LRRTM4: variants seen among roughly 807,000 people sequenced by gnomAD.
LRRTM4 encodes leucine-rich repeat transmembrane neuronal protein 4.
LRRTM4 carries 25 observed loss-of-function variants against 47.6 expected under a neutral mutation model. The ratio of observed to expected loss-of-function variants is 0.53; its 90% confidence interval spans 0.38 to 0.73. LRRTM4 has a LOEUF of 0.73. Ranked by LOEUF, LRRTM4 falls within the 30% of genes least tolerant of loss-of-function variation. The probability of loss-of-function intolerance (pLI) is 0.00; values close to 1 mark genes in which losing one functional copy is unlikely to be tolerated. For missense variants in LRRTM4, 638 were observed against 713.4 expected (o/e 0.89, Z 1.20); for synonymous variants, 311 against 269.5 (o/e 1.15, Z -1.51).
intron 3 of LRRTM4, among the ~76,000 whole-genome samples, chr2:77,142,481 A>T (rs1227523044): frequency 1.3e-5 from 2 of 151,904 alleles, no homozygotes; most frequent in Non-Finnish European, 2.9e-5. Context: ...GTCACTAAAG[A>T]AAAACTTGAT....
intron 3 of LRRTM4, among the ~76,000 whole-genome samples, chr2:76,795,556 CAT>C (rs1170367771): frequency 4.0e-5 from 6 of 150,546 alleles, no homozygotes; most frequent in Non-Finnish European, 8.9e-5. Flanking sequence ...CATGTATATG[CAT>C]ATATACATGT....
chr2:77,104,023 A>G (rs2103917595), intron 3 of LRRTM4, among the ~76,000 whole-genome samples: 1 of 152,292 alleles, frequency 6.6e-6, no homozygotes, highest in East Asian at 1.9e-4. Context: ...TCTAATAGAC[A>G]TTACTAACAA....
chr2:76,812,364 C>G (rs1042474738), intron 3 of LRRTM4, among the ~76,000 whole-genome samples: 2 of 152,128 alleles, frequency 1.3e-5, no homozygotes, highest in Non-Finnish European at 2.9e-5. Context: ...TGGCCACTAA[C>G]CAATGAAATG....
At chr2:76,931,237 T>A (rs1674759809) in intron 3 of LRRTM4, among the ~76,000 whole-genome samples, 2 of 152,150 alleles carry the variant, frequency 1.3e-5, no homozygotes, top group Admixed American at 1.3e-4. Flanking sequence ...AACAAGAAAG[T>A]CATTAAACAG....
At chr2:77,256,403 C>T (rs1558656297) in intron 3 of LRRTM4, among the ~76,000 whole-genome samples, 1 of 152,062 alleles carries the variant, frequency 6.6e-6, no homozygotes, top group Non-Finnish European at 1.5e-5. Context: ...GAAGACTTCT[C>T]ATATTGTTTT....
intron 3 of LRRTM4, among the ~76,000 whole-genome samples, chr2:77,089,226 G>A (rs7607612): frequency 8.1e-5 from 5 of 61,614 alleles, no homozygotes; most frequent in African/African-American, 3.9e-4. Flanking sequence ...GCAAGTAACC[G>A]AACCCCTTGT....
chr2:77,470,492 T>G (rs575678438), intron 3 of LRRTM4, among the ~76,000 whole-genome samples: 70 of 152,244 alleles, frequency 4.6e-4, no homozygotes, highest in African/African-American at 1.6e-3. Context: ...AGGCATTCAT[T>G]TGGTACAATG....
intron 3 of LRRTM4, among the ~76,000 whole-genome samples, chr2:76,911,779 C>T (rs1674065256): frequency 6.6e-6 from 1 of 151,942 alleles, no homozygotes; most frequent in Admixed American, 6.6e-5. Context: ...AATATACACA[C>T]TGAAGGAAGA....
intron 3 of LRRTM4, among the ~76,000 whole-genome samples, chr2:77,163,780 G>C (rs1167323707): frequency 2.0e-5 from 3 of 152,116 alleles, no homozygotes; most frequent in African/African-American, 7.2e-5. Context: ...GTCACCACCA[G>C]GCTTGCCTTA....
Position 77,521,675 on chromosome 2 carries a change from T to C in LRRTM4, c.-4A>G. ...CAACAAAAGTTCACTTACCCATCCT[T>C]TGTCATCCAAAAACGTTTCCCCCCT... On this transcript the variant is annotated 5_prime_UTR_variant, in exon 2 of 4. Transcript: ENST00000409884. 1 of 1,612,032 alleles carries C rather than the reference T, an allele frequency of 6.2e-7. No individual in the cohort carries two copies. The highest frequency in any genetic ancestry group is 1.1e-5 in the South Asian group (1 of 90,984).
intron 3 of LRRTM4, among the ~76,000 whole-genome samples, chr2:76,974,523 C>T (rs1327718784): frequency 7.3e-6 from 1 of 136,686 alleles, no homozygotes; most frequent in East Asian, 2.0e-4. Context: ...CATTGTGATA[C>T]ACACATATAG....
Position 77,108,740 on chromosome 2 carries a change from C to T in LRRTM4, c.1552-359824G>A, listed in dbSNP as rs984858368. Among the ~76,000 whole-genome samples, 25 of 151,804 alleles carry T rather than the reference C, an allele frequency of 1.6e-4. No individual in the cohort carries two copies. The East Asian group carries it at 4.7e-3, about 28-fold the overall frequency. On this transcript the variant is annotated intron_variant, in intron 3 of 3. Coordinates refer to ENST00000409884, the MANE Select transcript of LRRTM4 (RefSeq NM_001134745.3). The stretch of plus-strand genomic sequence containing the variant: ...CTGGGACTACAGGCGCCCGCCACCA[C>T]GCCCGGCTAATTTTTTGTATTTTTA...
At chr2:77,038,918 CTCT>C (rs1337853781) in intron 3 of LRRTM4, among the ~76,000 whole-genome samples, 1 of 151,284 alleles carries the variant, frequency 6.6e-6, no homozygotes, top group African/African-American at 2.4e-5. Flanking sequence ...TGTGGCATTG[CTCT>C]TATTATATAG....
At chr2:77,106,426 C>G (rs943593920) in intron 3 of LRRTM4, among the ~76,000 whole-genome samples, 2 of 152,054 alleles carry the variant, frequency 1.3e-5, no homozygotes, top group Non-Finnish European at 2.9e-5. Flanking sequence ...CACATGTTGT[C>G]ATAAATTTTA....
At chr2:77,476,166 A>T (rs1677379849) in intron 3 of LRRTM4, among the ~76,000 whole-genome samples, 1 of 152,056 alleles carries the variant, frequency 6.6e-6, no homozygotes, top group Admixed American at 6.6e-5. Context: ...CAGATGTGAA[A>T]GATTCATAAA....
intron 3 of LRRTM4, among the ~76,000 whole-genome samples, chr2:76,830,657 T>G (rs1453301042): frequency 1.3e-5 from 2 of 151,942 alleles, no homozygotes; most frequent in African/African-American, 4.8e-5. Flanking sequence ...TTAAAGTCTT[T>G]GTCTCAAAAT....
In LRRTM4 at chr2:77,098,479, C is replaced by A. The variant is rs116196136; in HGVS notation, c.1552-349563G>T. On this transcript the variant is annotated intron_variant, in intron 3 of 3. Transcript: ENST00000409884. ...GAAAAAATAAATTAGATATCTACCT[C>A]CTACTAGAGACAAAATTTATAGTTG... Among the ~76,000 whole-genome samples the A allele has an allele frequency of 5.2e-3, 789 of 152,020 alleles. 8 individuals are homozygous for A. Among genetic ancestry groups the A allele is most frequent in the African/African-American group, 0.017 (715 of 41,514 alleles).
intron 3 of LRRTM4, among the ~76,000 whole-genome samples, chr2:77,312,276 T>TTTCACAA (rs1276545439): frequency 1.0e-5 from 1 of 96,198 alleles, no homozygotes; most frequent in African/African-American, 4.3e-5. Flanking sequence ...CAACTGACTC[T>TTTCACAA]TTTATTCACA....
chr2:77,441,869 A>T (rs1675854924), intron 3 of LRRTM4, among the ~76,000 whole-genome samples: 1 of 152,144 alleles, frequency 6.6e-6, no homozygotes, highest in East Asian at 1.9e-4. Flanking sequence ...AAGGACATTT[A>T]AGGTAGGTGT....
Sources: allele counts gnomAD v4.1 joint callset (sites outside exome capture counted in the v4.1 genomes callset), GRCh38; gene constraint gnomAD v4.1.1; transcripts MANE v1.5; gene names NCBI Gene and HGNC (gene_info 2026-07-23, HGNC 2026-07-21).